Variants in DCLK1 observed in about 807,000 individuals in gnomAD.
DCLK1 encodes the protein serine/threonine-protein kinase DCLK1.
A neutral mutation model predicts 86.2 loss-of-function variants in DCLK1; 16 were observed. The observed-to-expected ratio is 0.19, with a 90% CI of 0.13 to 0.28. The LOEUF (loss-of-function observed/expected upper bound fraction) is 0.28. Ranked by LOEUF, DCLK1 falls within the 10% of genes least tolerant of loss-of-function variation. DCLK1 has a pLI of 1.00. For synonymous variants in DCLK1, 369 were observed against 370.5 expected, an observed-to-expected ratio of 1.00 and a Z score of 0.05; for missense variants, 590 against 940.2, an observed-to-expected ratio of 0.63 and a Z score of 4.87.
intron 3 of DCLK1, among the ~76,000 whole-genome samples, chr13:36,098,387 C>A (rs1250275377): frequency 6.6e-6 from 1 of 152,214 alleles, no homozygotes. Flanking sequence ...GACACACTTT[C>A]TTCAGCTGAT....
At chr13:36,088,519 A>G (rs1019797898) in intron 3 of DCLK1, among the ~76,000 whole-genome samples, 1 of 152,238 alleles carries the variant, frequency 6.6e-6, no homozygotes, top group Non-Finnish European at 1.5e-5. Context: ...ATGAAAGGAC[A>G]GGCTCTTTTC....
chr13:35,833,581 C>G (rs1869131162), intron 8 of DCLK1, among the ~76,000 whole-genome samples: 1 of 152,180 alleles, frequency 6.6e-6, no homozygotes, highest in East Asian at 1.9e-4. Context: ...TATGCCGGAA[C>G]AGGACCACAG....
At chr13:35,864,665 T>C (rs1871660117) in intron 5 of DCLK1, among the ~76,000 whole-genome samples, 1 of 150,758 alleles carries the variant, frequency 6.6e-6, no homozygotes, top group Non-Finnish European at 1.5e-5. Flanking sequence ...TTTTTTTTTT[T>C]TTTTTGGAAT....
chr13:36,106,304 A>T (rs1191891183), intron 3 of DCLK1, among the ~76,000 whole-genome samples: 2 of 152,184 alleles, frequency 1.3e-5, no homozygotes, highest in Admixed American at 6.5e-5. Flanking sequence ...AGGATATGTG[A>T]CCTAAAATAG....
intron 10 of DCLK1, among the ~76,000 whole-genome samples, chr13:35,825,585 A>G (rs2153105566): frequency 6.6e-6 from 1 of 152,218 alleles, no homozygotes; most frequent in South Asian, 2.1e-4. Flanking sequence ...AAATCAGCCA[A>G]CAGTGGGGGT....
intron 12 of DCLK1, 102 bp from the exon 13 acceptor site, chr13:35,809,197 C>G: frequency 1.2e-6 from 1 of 839,726 alleles, no homozygotes; most frequent in Non-Finnish European, 1.8e-6. Flanking sequence ...AAAATAAAAC[C>G]AAACAAAATA....
chr13:36,086,138 A>G (rs1185673590), intron 3 of DCLK1, among the ~76,000 whole-genome samples: 1 of 152,052 alleles, frequency 6.6e-6, no homozygotes, highest in African/African-American at 2.4e-5. Context: ...TCCTTCCCCC[A>G]TCCAACTCAG....
intron 3 of DCLK1, among the ~76,000 whole-genome samples, chr13:36,109,750 A>C (rs975815789): frequency 5.9e-5 from 9 of 152,238 alleles, no homozygotes; most frequent in African/African-American, 2.2e-4. Context: ...CGGCTGAGCC[A>C]AGACTTGAAT....
chr13:36,043,940 C>T (rs1882784209), intron 3 of DCLK1, among the ~76,000 whole-genome samples: 1 of 152,126 alleles, frequency 6.6e-6, no homozygotes, highest in African/African-American at 2.4e-5. Context: ...AGGAGGTTCC[C>T]TCTTGATATA....
At chr13:35,986,165 G>T (rs996517995) in intron 3 of DCLK1, among the ~76,000 whole-genome samples, 5 of 151,934 alleles carry the variant, frequency 3.3e-5, no homozygotes, top group Non-Finnish European at 4.4e-5. Flanking sequence ...AGCTGGATGT[G>T]GTGGTGCATG....
At chr13:35,872,477 A>G (rs1212742623) in intron 4 of DCLK1, among the ~76,000 whole-genome samples, 1 of 152,206 alleles carries the variant, frequency 6.6e-6, no homozygotes, top group African/African-American at 2.4e-5. Context: ...CCAACTATTG[A>G]ATATCTAACT....
chr13:36,032,164 C>T (rs186572193), intron 3 of DCLK1, among the ~76,000 whole-genome samples: 25 of 148,208 alleles, frequency 1.7e-4, no homozygotes, highest in South Asian at 4.3e-4. Flanking sequence ...TTTTTTGAGA[C>T]GGATTCTTGC....
At chr13:36,012,391 C>A (rs1224822500) in intron 3 of DCLK1, among the ~76,000 whole-genome samples, 1 of 151,740 alleles carries the variant, frequency 6.6e-6, no homozygotes, top group Non-Finnish European at 1.5e-5. Flanking sequence ...ATGTTTAGCG[C>A]TTCCTTCAGG....
intron 4 of DCLK1, among the ~76,000 whole-genome samples, chr13:35,878,923 T>G (rs2153116111): frequency 6.6e-6 from 1 of 152,144 alleles, no homozygotes; most frequent in African/African-American, 2.4e-5. Flanking sequence ...GCCACTGGGA[T>G]TACAGGCACA....
At chr13:35,862,931 T>C (rs933817395) in intron 5 of DCLK1, among the ~76,000 whole-genome samples, 10 of 152,218 alleles carry the variant, frequency 6.6e-5, no homozygotes, top group African/African-American at 2.4e-4. Context: ...AAACAATGTT[T>C]TGGTCAACAA....
chr13:35,792,806 G>A (rs552646047), intron 16 of DCLK1, among the ~76,000 whole-genome samples: 1 of 152,276 alleles, frequency 6.6e-6, no homozygotes, highest in Non-Finnish European at 1.5e-5. Flanking sequence ...AATAGTAAAT[G>A]TTAAAAGACT....
chr13:35,869,411 C>A (rs944205156), intron 5 of DCLK1, among the ~76,000 whole-genome samples: 1 of 152,206 alleles, frequency 6.6e-6, no homozygotes, highest in Non-Finnish European at 1.5e-5. Flanking sequence ...AAGTTGGCAT[C>A]TGGTACTCTC....
chr13:35,971,478 G>A (rs993438119), intron 3 of DCLK1, among the ~76,000 whole-genome samples: 2 of 152,148 alleles, frequency 1.3e-5, no homozygotes, highest in African/African-American at 4.8e-5. Flanking sequence ...AAAGTCCACA[G>A]TAGGCCAGGT....
At chr13:36,055,620 T>C (rs1278358316) in intron 3 of DCLK1, among the ~76,000 whole-genome samples, 1 of 152,188 alleles carries the variant, frequency 6.6e-6, no homozygotes, top group African/African-American at 2.4e-5. Flanking sequence ...TTTTCTTACT[T>C]ATATTAAATA....
Sources: gnomAD v4.1 joint callset for allele counts (sites outside exome capture counted in the v4.1 genomes callset) on GRCh38, gnomAD v4.1.1 for gene constraint, MANE v1.5 for transcripts, NCBI Gene and HGNC (gene_info 2026-07-23, HGNC 2026-07-21) for gene names.